The following CD2AP variants were observed in gnomAD, a reference collection of about 807,000 sequenced individuals.
CD2AP encodes CD2 associated protein, also known as CD2-associated protein.
CD2AP carries 46 observed loss-of-function variants against 85.1 expected under a neutral mutation model. The ratio of observed to expected loss-of-function variants is 0.54; its 90% confidence interval spans 0.43 to 0.69. The LOEUF (loss-of-function observed/expected upper bound fraction) is 0.69. Among genes scored for constraint, CD2AP ranks in the 30% least tolerant of loss-of-function variants. The pLI, the probability that CD2AP is intolerant of heterozygous loss-of-function variation, is 0.00. For synonymous variants in CD2AP, 255 were observed against 252.9 expected (o/e 1.01, Z -0.08); for missense variants, 769 against 729.5 (o/e 1.05, Z -0.62).
chr6:47,579,288 T>G (rs1382503120), intron 8 of CD2AP, 97 bp from the exon 9 acceptor site: 3 of 738,126 alleles, frequency 4.1e-6, no homozygotes, highest in Admixed American at 2.1e-5. Flanking sequence ...TGAGTCATGA[T>G]CGCATCACTG....
At chr6:47,524,074 A>G (rs1766662860) in intron 2 of CD2AP, among the ~76,000 whole-genome samples, 1 of 152,212 alleles carries the variant, frequency 6.6e-6, no homozygotes, top group African/African-American at 2.4e-5. Context: ...GTAAATAGAA[A>G]TTCAAGAAAT....
chr6:47,583,759 A>G (rs1215123462), intron 11 of CD2AP, among the ~76,000 whole-genome samples: 4 of 152,142 alleles, frequency 2.6e-5, no homozygotes, highest in Non-Finnish European at 4.4e-5. Context: ...CATATTTTCT[A>G]TTCATTTGGG....
chr6:47,526,065 C>T (rs570843984), intron 2 of CD2AP, among the ~76,000 whole-genome samples: 24 of 152,210 alleles, frequency 1.6e-4, no homozygotes, highest in African/African-American at 5.1e-4. Context: ...TTTCCTGGCT[C>T]TTTTGGTAAA....
chr6:47,513,287 C>A (rs1421957111), intron 2 of CD2AP, among the ~76,000 whole-genome samples: 1 of 152,064 alleles, frequency 6.6e-6, no homozygotes, highest in Non-Finnish European at 1.5e-5. Flanking sequence ...AACCAACATT[C>A]CCACTTAATT....
At chr6:47,615,405 G>C (rs1170421447) in intron 17 of CD2AP, among the ~76,000 whole-genome samples, 3 of 152,158 alleles carry the variant, frequency 2.0e-5, no homozygotes, top group Non-Finnish European at 1.5e-5. Flanking sequence ...ATTGGCTCAT[G>C]GTTCTACAGG....
intron 17 of CD2AP, among the ~76,000 whole-genome samples, chr6:47,615,784 T>TTTAA (rs1561834789): frequency 2.0e-4 from 21 of 103,152 alleles, no homozygotes; most frequent in East Asian, 7.3e-4. Context: ...TTAATTTTAA[T>TTTAA]TTAATTTAAT....
At chr6:47,588,714 C>G (rs1048268660) in intron 11 of CD2AP, among the ~76,000 whole-genome samples, 17 of 152,242 alleles carry the variant, frequency 1.1e-4, no homozygotes, top group African/African-American at 3.6e-4. Context: ...TCTTTCCATT[C>G]TGCCATCCTC....
rs905117729 is a variant in CD2AP at position 47,583,353 on chromosome 6, T to C, written c.1108+1288T>C. 8.5e-5 allele frequency among the ~76,000 whole-genome samples: 13 copies of C among 152,356 alleles called. No homozygotes were observed. In the East Asian group the frequency reaches 2.5e-3, roughly 29 times the overall value. ...GGATTTTGACAAATGTATAATGTCCTGTATCCACCATTGTAGTATCATACA... is the reference window on the plus strand; with the variant it reads ...GGATTTTGACAAATGTATAATGTCCCGTATCCACCATTGTAGTATCATACA... On this transcript the variant is annotated intron_variant, in intron 11 of 17. Transcript: ENST00000359314.
intron 6 of CD2AP, among the ~76,000 whole-genome samples, chr6:47,574,761 T>C (rs1201026346): frequency 2.0e-5 from 3 of 152,040 alleles, no homozygotes; most frequent in Non-Finnish European, 4.4e-5. Context: ...TTTTATTTCA[T>C]TAGCATTTTG....
At chr6:47,551,518 A>T (rs1333751653) in intron 4 of CD2AP, among the ~76,000 whole-genome samples, 1 of 152,166 alleles carries the variant, frequency 6.6e-6, no homozygotes, top group Non-Finnish European at 1.5e-5. Context: ...ATATCCTTGA[A>T]AGTTTTAAAA....
At chr6:47,544,813 T>C in intron 4 of CD2AP, 107 bp downstream of exon 4, 1 of 717,800 alleles carries the variant, frequency 1.4e-6, no homozygotes, top group East Asian at 2.7e-5. Flanking sequence ...CTGTTGTCAC[T>C]TTTTAAAAAA....
intron 13 of CD2AP, 41 bp downstream of exon 13, chr6:47,599,484 A>G (rs1769055216): frequency 1.3e-6 from 2 of 1,580,246 alleles, no homozygotes; most frequent in African/African-American, 2.7e-5. Context: ...TAAAAAAAAA[A>G]ATTGTCAAAG....
At chr6:47,596,232 G>A (rs540692891) in intron 12 of CD2AP, among the ~76,000 whole-genome samples, 35 of 152,064 alleles carry the variant, frequency 2.3e-4, no homozygotes, top group Non-Finnish European at 4.7e-4. Context: ...GAATGGCTTC[G>A]GTAACTGTGA....
At chr6:47,615,382 A>G (rs1769549123) in intron 17 of CD2AP, among the ~76,000 whole-genome samples, 1 of 152,172 alleles carries the variant, frequency 6.6e-6, no homozygotes, top group South Asian at 2.1e-4. Flanking sequence ...GATAATTTAT[A>G]AAGAAAAATT....
At chr6:47,583,004 C>T (rs564888269) in intron 11 of CD2AP, among the ~76,000 whole-genome samples, 2 of 152,026 alleles carry the variant, frequency 1.3e-5, no homozygotes, top group Admixed American at 1.3e-4. Context: ...AGGATGGTCT[C>T]GATTTGCTGA....
chr6:47,520,730 G>GT lies in CD2AP; in HGVS notation c.166-12850dup, dbSNP rs35163088. 7.9e-3 allele frequency among the ~76,000 whole-genome samples: 683 copies of GT among 86,358 alleles called. 12 individuals carry two copies. The highest frequency in any genetic ancestry group is 0.026 in the South Asian group (57 of 2,164). The allele number at this position is 86,358 out of a possible 152,430, so 56.7% of individuals were successfully genotyped here. ...TACCATGGGCAGGACTGGTGCTACA[G>GT]TTTTTTTTTTTTTTTTTTTTTTGTC... On this transcript the variant is annotated intron_variant, in intron 2 of 17. Coordinates refer to ENST00000359314, the MANE Select transcript of CD2AP (RefSeq NM_012120.3).
At chr6:47,533,888 C>A in intron 3 of CD2AP, 133 bp downstream of exon 3, 2 of 808,666 alleles carry the variant, frequency 2.5e-6, no homozygotes, top group East Asian at 2.7e-5. Context: ...TCTCATGTTA[C>A]TAGTTATTGC....
chr6:47,552,631 T>A (rs1394876072), intron 4 of CD2AP, among the ~76,000 whole-genome samples: 3 of 152,220 alleles, frequency 2.0e-5, no homozygotes, highest in African/African-American at 4.8e-5. Context: ...TGTATTTTTT[T>A]ACCACTGTAC....
At chr6:47,562,823 T>A in intron 5 of CD2AP, 1 of 1,142,416 alleles carries the variant, frequency 8.8e-7, no homozygotes, top group Non-Finnish European at 1.3e-6. Context: ...GTGGAGGCCC[T>A]TGGTGCTGAA....
Sources: gnomAD v4.1 joint callset for allele counts (sites outside exome capture counted in the v4.1 genomes callset) on GRCh38, gnomAD v4.1.1 for gene constraint, MANE v1.5 for transcripts, NCBI Gene and HGNC (gene_info 2026-07-23, HGNC 2026-07-21) for gene names.